PPARGC1A: variants seen among roughly 807,000 people sequenced by gnomAD.
PPARGC1A encodes the protein peroxisome proliferator-activated receptor gamma coactivator 1-alpha.
Under a neutral mutation model 88.7 loss-of-function variants are expected in PPARGC1A, and 25 were observed. That is an observed-to-expected ratio of 0.28 (90% CI 0.21 to 0.39). The LOEUF (loss-of-function observed/expected upper bound fraction) is 0.39. Ranked by LOEUF, PPARGC1A falls within the 10% of genes least tolerant of loss-of-function variation. The pLI, the probability that PPARGC1A is intolerant of heterozygous loss-of-function variation, is 1.00. For synonymous variants in PPARGC1A, 363 were observed against 355.6 expected (o/e 1.02, Z -0.24); for missense variants, 880 against 968.7 (o/e 0.91, Z 1.22).
the PPARGC1A span, among the ~76,000 whole-genome samples, chr4:23,974,701 C>T: frequency 6.6e-6 from 1 of 151,238 alleles, no homozygotes; most frequent in African/African-American, 2.4e-5. Flanking sequence ...GGCGTGATCT[C>T]CGGTCACTGC....
chr4:24,419,355 G>A, the PPARGC1A span, among the ~76,000 whole-genome samples: 2 of 15,632 alleles, frequency 1.3e-4, no homozygotes, highest in South Asian at 1.9e-3. Context: ...ATCTTCAAGT[G>A]TGTGTGTGTG....
the PPARGC1A span, among the ~76,000 whole-genome samples, chr4:23,955,901 T>C: frequency 6.6e-6 from 1 of 152,080 alleles, no homozygotes; most frequent in African/African-American, 2.4e-5. Context: ...AGACCTGAAG[T>C]CAGGAAACTT....
chr4:24,116,055 C>G, the PPARGC1A span, among the ~76,000 whole-genome samples: 1 of 152,148 alleles, frequency 6.6e-6, no homozygotes, highest in African/African-American at 2.4e-5. Flanking sequence ...ATGCAGCCAC[C>G]TAAGCAAATT....
the PPARGC1A span, among the ~76,000 whole-genome samples, chr4:24,189,025 A>G: frequency 3.9e-5 from 6 of 152,144 alleles, no homozygotes; most frequent in African/African-American, 1.4e-4. Flanking sequence ...ACATCTTGCT[A>G]AAGTGAAATA....
At chr4:23,982,562 C>T in the PPARGC1A span, among the ~76,000 whole-genome samples, 1 of 152,034 alleles carries the variant, frequency 6.6e-6, no homozygotes, top group Admixed American at 6.6e-5. Context: ...GTGAGCTCAG[C>T]TAAAATTCAG....
chr4:24,064,989 A>T, the PPARGC1A span, among the ~76,000 whole-genome samples: 460 of 152,314 alleles, frequency 3.0e-3, 4 homozygotes, highest in African/African-American at 0.011. Context: ...ATAGTTGTGC[A>T]TTGAGCTCTC....
the PPARGC1A span, among the ~76,000 whole-genome samples, chr4:24,118,962 T>G: frequency 6.6e-6 from 1 of 152,222 alleles, no homozygotes; most frequent in South Asian, 2.1e-4. Flanking sequence ...AAATTTGTCC[T>G]CATTTTGTTC....
At chr4:24,375,346 G>A in the PPARGC1A span, among the ~76,000 whole-genome samples, 2 of 152,130 alleles carry the variant, frequency 1.3e-5, no homozygotes, top group African/African-American at 2.4e-5. Context: ...GCCACCATTT[G>A]GATTCAAGAT....
At chr4:24,234,104 G>C in the PPARGC1A span, among the ~76,000 whole-genome samples, 1 of 152,182 alleles carries the variant, frequency 6.6e-6, no homozygotes, top group East Asian at 1.9e-4. Context: ...TAATTAGCCC[G>C]TGTTGTAATT....
At position 23,813,744 on chromosome 4, in the gene PPARGC1A, C is replaced by G. The variant is rs143326747; in HGVS notation, c.1739G>C (p.Arg580Pro). ...RSFSRHRSCSRSPYSRSRSRS... is the reference protein window; with the variant it reads ...RSFSRHRSCSPSPYSRSRSRS... ...TGATCTTGACCTGGAATATGGTGAT[C>G]GGGAACACGACCTGTGTCGAGAAAA... The change falls in exon 8 of 13, where the codon CGA becomes CCA. Residue 580 changes from arginine to proline, a missense_variant. Transcript: ENST00000264867. 2 of 1,612,402 alleles carry G rather than the reference C, an allele frequency of 1.2e-6. No individual in the cohort carries two copies. The highest frequency in any genetic ancestry group is 1.7e-6 in the Non-Finnish European group (2 of 1,178,982).
intron 3 of PPARGC1A, among the ~76,000 whole-genome samples, chr4:23,830,806 C>G (rs1724860382): frequency 6.6e-6 from 1 of 152,150 alleles, no homozygotes; most frequent in Non-Finnish European, 1.5e-5. Context: ...AAACTCTGGT[C>G]AAGCACTGCA....
the PPARGC1A span, among the ~76,000 whole-genome samples, chr4:24,043,351 G>A: frequency 6.6e-6 from 1 of 152,082 alleles, no homozygotes; most frequent in Non-Finnish European, 1.5e-5. Flanking sequence ...TGCTCTTCAT[G>A]CCCTACTGAA....
At chr4:23,913,732 T>C in the PPARGC1A span, among the ~76,000 whole-genome samples, 1 of 152,266 alleles carries the variant, frequency 6.6e-6, no homozygotes, top group South Asian at 2.1e-4. Context: ...TAGAGTTCTA[T>C]AGTTAAGTAG....
chr4:24,050,033 T>G, the PPARGC1A span, among the ~76,000 whole-genome samples: 15 of 152,320 alleles, frequency 9.8e-5, 1 homozygote, highest in East Asian at 2.7e-3. Flanking sequence ...TGGTTTCTAA[T>G]GTTCATTCTG....
At chr4:23,854,031 A>G (rs1729763449) in intron 2 of PPARGC1A, among the ~76,000 whole-genome samples, 1 of 152,184 alleles carries the variant, frequency 6.6e-6, no homozygotes, top group South Asian at 2.1e-4. Flanking sequence ...TGCTTAGAAT[A>G]CTGCCTGGCA....
chr4:23,811,735 A>G (rs555120631), intron 10 of PPARGC1A, among the ~76,000 whole-genome samples: 14 of 152,228 alleles, frequency 9.2e-5, no homozygotes, highest in African/African-American at 3.1e-4. Flanking sequence ...GGATCTTTAC[A>G]CAGAAGGGTC....
At chr4:23,913,917 C>T in the PPARGC1A span, among the ~76,000 whole-genome samples, 1,115 of 152,190 alleles carry the variant, frequency 7.3e-3, 12 homozygotes, top group African/African-American at 0.025. Flanking sequence ...CACCTCAGGA[C>T]GGTGAAGATG....
chr4:24,016,851 T>C, the PPARGC1A span, among the ~76,000 whole-genome samples: 2 of 152,116 alleles, frequency 1.3e-5, no homozygotes, highest in Non-Finnish European at 2.9e-5. Flanking sequence ...CAAATGACAT[T>C]AGGAGCTGTT....
intron 10 of PPARGC1A, among the ~76,000 whole-genome samples, chr4:23,803,767 G>C (rs1719223744): frequency 6.6e-6 from 1 of 152,250 alleles, no homozygotes; most frequent in African/African-American, 2.4e-5. Context: ...GCAAAGACTA[G>C]AAGCAGAGAA....
Sources: allele counts gnomAD v4.1 joint callset (sites outside exome capture counted in the v4.1 genomes callset), GRCh38; gene constraint gnomAD v4.1.1; transcripts MANE v1.5; gene names NCBI Gene and HGNC (gene_info 2026-07-23, HGNC 2026-07-21).